The following WDR25 variants were observed in gnomAD, a reference collection of about 807,000 sequenced individuals.
The protein encoded by WDR25 is WD repeat-containing protein 25.
A neutral mutation model predicts 47.7 loss-of-function variants in WDR25; 35 were observed. The observed-to-expected ratio is 0.73, with a 90% CI of 0.56 to 0.97. WDR25 has a LOEUF of 0.97. Among genes scored for constraint, WDR25 ranks in the 50% least tolerant of loss-of-function variants. The probability of loss-of-function intolerance (pLI) is 0.00; values close to 1 mark genes in which losing one functional copy is unlikely to be tolerated. For synonymous variants in WDR25, 248 were observed against 278.9 expected (o/e 0.89, Z 1.10); for missense variants, 634 against 704.7 (o/e 0.90, Z 1.14).
At chr14:100,413,917 GA>G (rs1170009604) in intron 2 of WDR25, among the ~76,000 whole-genome samples, 3 of 152,020 alleles carry the variant, frequency 2.0e-5, no homozygotes, top group Non-Finnish European at 2.9e-5. Flanking sequence ...TCCATTGCAT[GA>G]AAATACCAGA....
rs1203938521 is a variant in WDR25, at chr14:100,381,148, G to T, written c.224G>T (p.Gly75Val). The T allele has an allele frequency of 1.9e-6, 3 of 1,614,216 alleles. No homozygotes were observed. Among genetic ancestry groups the T allele is most frequent in the Non-Finnish European group, 2.5e-6 (3 of 1,180,030 alleles). ...CATGGCTCCTGTGAAGACCCAGGGG[G>T]CTATCGCCTTCCATTGGCTCAGCTT... ...TKHGSCEDPG[G>V]YRLPLAQLGR... The change falls in exon 2 of 7, where the codon GGC (glycine) becomes GTC (valine). Residue 75 changes from glycine (G) to valine (V), a missense_variant. By Grantham distance (109) the Gly-to-Val change is moderately radical. Transcript: ENST00000402312.
At chr14:100,484,891 C>G (rs748890287) in intron 4 of WDR25, among the ~76,000 whole-genome samples, 1 of 152,238 alleles carries the variant, frequency 6.6e-6, no homozygotes, top group Non-Finnish European at 1.5e-5. Context: ...GGAGGCTGTT[C>G]TCAACACAGC....
intron 4 of WDR25, among the ~76,000 whole-genome samples, chr14:100,489,360 C>T (rs1035299493): frequency 2.6e-5 from 4 of 152,222 alleles, no homozygotes; most frequent in African/African-American, 9.7e-5. Flanking sequence ...GACACGGACT[C>T]AGCTGTACTG....
In WDR25 at chr14:100,424,601, G is replaced by A. The variant is rs894701263; in HGVS notation, c.822+42855G>A. Among the ~76,000 whole-genome samples the A allele has an allele frequency of 6.6e-6, 1 of 152,192 alleles. No individual in the cohort carries two copies. The highest frequency in any genetic ancestry group is 1.9e-4 in the East Asian group (1 of 5,192). ...GGAGTCTGGGGCCCAGGGCCCTGCT[G>A]CCTGTCCAGTGTTTGCGTGGGAATG... On this transcript the variant is annotated intron_variant, in intron 2 of 6. Coordinates refer to ENST00000402312, the MANE Select transcript of WDR25 (RefSeq NM_001161476.3). The surrounding 1 kb of genome is among the most constrained non-coding windows in gnomAD (Gnocchi z 4.2).
intron 2 of WDR25, among the ~76,000 whole-genome samples, chr14:100,403,247 A>C (rs985278300): frequency 6.6e-6 from 1 of 152,256 alleles, no homozygotes; most frequent in African/African-American, 2.4e-5. Context: ...GAGAGGCCAC[A>C]TCTGGCTCAT....
rs570254545 is a variant in WDR25 at position 100,396,384 on chromosome 14, A to G, written c.822+14638A>G. 4.6e-5 allele frequency among the ~76,000 whole-genome samples: 7 copies of G among 152,372 alleles called. No homozygotes were observed. The South Asian group carries it at 1.0e-3, about 23-fold the overall frequency. Reference sequence around the variant, plus strand: ...ATCCAGAAAGGACTTGAGGAAGCCTACAATAAAAGATACAAACACAGTGAA... The same window carrying G: ...ATCCAGAAAGGACTTGAGGAAGCCTGCAATAAAAGATACAAACACAGTGAA... On this transcript the variant is annotated intron_variant, in intron 2 of 6. Transcript: ENST00000402312.
intron 4 of WDR25, among the ~76,000 whole-genome samples, chr14:100,519,266 G>GGAGA (rs139840480): frequency 0.044 from 6,449 of 147,656 alleles, 498 homozygotes; most frequent in African/African-American, 0.15. Context: ...TTTATAGGGG[G>GGAGA]GAGAGAGAGA....
At chr14:100,436,876 G>T (rs1898516503) in intron 2 of WDR25, among the ~76,000 whole-genome samples, 2 of 152,250 alleles carry the variant, frequency 1.3e-5, no homozygotes, top group Non-Finnish European at 2.9e-5. Flanking sequence ...GAGGGCCTTG[G>T]TTTGCTAGGT....
Position 100,502,579 on chromosome 14 carries a change from C to A in WDR25, c.1101+18455C>A, listed in dbSNP as rs1005646529. Among the ~76,000 whole-genome samples the A allele has an allele frequency of 4.6e-5, 7 of 152,240 alleles. No homozygotes were observed. Among genetic ancestry groups the A allele is most frequent in the Non-Finnish European group, 1.0e-4 (7 of 68,044 alleles). On this transcript the variant is annotated intron_variant, in intron 4 of 6. Coordinates refer to ENST00000402312, the MANE Select transcript of WDR25 (RefSeq NM_001161476.3). This position sits in a 1 kb window ranked among gnomAD's most constrained non-coding sequence, Gnocchi z 4.5. ...TCCTGGAGCTGCTCACTTTAGAGTT[C>A]TTCATTAGGGGTCCTATAGACACTT...
At chr14:100,460,112 A>ATT (rs35102087) in intron 2 of WDR25, among the ~76,000 whole-genome samples, 2 of 129,664 alleles carry the variant, frequency 1.5e-5, no homozygotes, top group African/African-American at 5.9e-5. Context: ...TAGATACAAA[A>ATT]TTTTTTTTTT....
At chr14:100,505,011 T>G (rs1901065231) in intron 4 of WDR25, among the ~76,000 whole-genome samples, 1 of 152,216 alleles carries the variant, frequency 6.6e-6, no homozygotes, top group Admixed American at 6.5e-5. Context: ...CTATTGACCA[T>G]TTGAATGTCT....
chr14:100,527,367 C>T (rs2030237602), intron 5 of WDR25, among the ~76,000 whole-genome samples: 1 of 152,238 alleles, frequency 6.6e-6, no homozygotes, highest in African/African-American at 2.4e-5. Flanking sequence ...CCACCGCCAT[C>T]ATCAGCATCA....
chr14:100,491,325 T>G (rs1050688358), intron 4 of WDR25, among the ~76,000 whole-genome samples: 1 of 152,234 alleles, frequency 6.6e-6, no homozygotes, highest in African/African-American at 2.4e-5. Context: ...GCCCAAACCC[T>G]CACAGATCCT....
chr14:100,384,934 T>C lies in WDR25; in HGVS notation c.822+3188T>C, dbSNP rs115989745. Among the ~76,000 whole-genome samples, 1,078 of 152,310 alleles carry C rather than the reference T, an allele frequency of 7.1e-3. 21 individuals are homozygous for C. Among genetic ancestry groups the C allele is most frequent in the African/African-American group, 0.025 (1,038 of 41,558 alleles). On this transcript the variant is annotated intron_variant, in intron 2 of 6. Transcript: ENST00000402312. Reference sequence around the variant, plus strand: ...AGTTACCTCACTTCTGAGCCTTCATTTGAGTATCTATAAAGTGGAGAGAAT... The same window carrying C: ...AGTTACCTCACTTCTGAGCCTTCATCTGAGTATCTATAAAGTGGAGAGAAT...
chr14:100,383,206 G>A (rs1022954153), intron 2 of WDR25, among the ~76,000 whole-genome samples: 4 of 152,174 alleles, frequency 2.6e-5, no homozygotes, highest in African/African-American at 4.8e-5. Context: ...GGGAGAGAAC[G>A]TCATATTCTC....
intron 2 of WDR25, among the ~76,000 whole-genome samples, chr14:100,447,140 G>C (rs1898862557): frequency 6.6e-6 from 1 of 152,174 alleles, no homozygotes; most frequent in South Asian, 2.1e-4. Context: ...GTTTGTTAGG[G>C]AACCTTGCAT....
chr14:100,524,367 C>G (rs2030010182), intron 4 of WDR25, among the ~76,000 whole-genome samples: 1 of 152,132 alleles, frequency 6.6e-6, no homozygotes, highest in Non-Finnish European at 1.5e-5. Flanking sequence ...TCTTCCTCAT[C>G]CTTTCCCTGG....
intron 2 of WDR25, among the ~76,000 whole-genome samples, chr14:100,422,742 G>T (rs1898063351): frequency 6.6e-6 from 1 of 152,194 alleles, no homozygotes; most frequent in Admixed American, 6.5e-5. Flanking sequence ...TAGGGATTTT[G>T]ATTTTTTGCC....
rs996407652 is a variant in WDR25, at chr14:100,413,338, A to G, written c.822+31592A>G. Among the ~76,000 whole-genome samples the G allele has an allele frequency of 2.6e-5, 4 of 151,050 alleles. No homozygotes were observed. The East Asian group carries it at 5.8e-4, about 22-fold the overall frequency. ...AGCCCATCTGTTAGTTCCACCCCCA[A>G]CCTCAGCCCCAGGCAGCCACAGATC... is the stretch of plus-strand genomic sequence containing the variant. On this transcript the variant is annotated intron_variant, in intron 2 of 6. Coordinates refer to ENST00000402312, the MANE Select transcript of WDR25 (RefSeq NM_001161476.3).
Sources: allele counts gnomAD v4.1 joint callset (sites outside exome capture counted in the v4.1 genomes callset), GRCh38; gene constraint gnomAD v4.1.1; non-coding constraint Gnocchi (gnomAD v3.1); transcripts MANE v1.5; gene names NCBI Gene and HGNC (gene_info 2026-07-23, HGNC 2026-07-21).